PCDHGA3: variants seen among roughly 807,000 people sequenced by gnomAD.
PCDHGA3 encodes protocadherin gamma subfamily A, 3.
Under a neutral mutation model 58.5 loss-of-function variants are expected in PCDHGA3, and 40 were observed. The observed-to-expected ratio is 0.68, with a 90% confidence interval of 0.53 to 0.89. The LOEUF is 0.89. Among genes scored for constraint, PCDHGA3 ranks in the 40% least tolerant of loss-of-function variants. The pLI, the probability that PCDHGA3 is intolerant of heterozygous loss-of-function variation, is 0.00. For synonymous variants in PCDHGA3, 530 were observed against 525.7 expected, an observed-to-expected ratio of 1.01 and a Z score of -0.11; for missense variants, 1,223 against 1,195.9, an observed-to-expected ratio of 1.02 and a Z score of -0.33.
chr5:141,348,971 G>T (rs935801393), intron 1 of PCDHGA3, among the ~76,000 whole-genome samples: 2 of 152,136 alleles, frequency 1.3e-5, no homozygotes, highest in Admixed American at 6.5e-5. Flanking sequence ...CCAAAATTGG[G>T]TGTCTAAGAA....
intron 1 of PCDHGA3, chr5:141,375,120 A>G (rs2150053387): frequency 6.2e-7 from 1 of 1,613,952 alleles, no homozygotes; most frequent in South Asian, 1.1e-5. Flanking sequence ...AATGTACCAG[A>G]AGTGGTTGTT....
intron 1 of PCDHGA3, chr5:141,475,974 A>G: frequency 1.0e-6 from 1 of 975,714 alleles, no homozygotes; most frequent in Non-Finnish European, 1.5e-6. Flanking sequence ...GCAGAGACTG[A>G]ACAGCCGGCG....
intron 1 of PCDHGA3, chr5:141,364,242 G>C (rs192201180): frequency 2.1e-6 from 3 of 1,451,222 alleles, no homozygotes; most frequent in East Asian, 2.4e-5. Context: ...GCCCATTTTC[G>C]TCAGGGAATA....
chr5:141,372,042 G>T (rs373749332), intron 1 of PCDHGA3: 26 of 1,613,362 alleles, frequency 1.6e-5, no homozygotes, highest in African/African-American at 2.7e-5. Flanking sequence ...GAGCCTGCGC[G>T]TGTTGGTGGA....
At chr5:141,383,174 G>A in intron 1 of PCDHGA3, 6 of 1,614,084 alleles carry the variant, frequency 3.7e-6, no homozygotes, top group South Asian at 2.2e-5. Flanking sequence ...AGGATAGACC[G>A]GGAAGAGATC....
intron 1 of PCDHGA3, chr5:141,419,831 G>C: frequency 1.9e-6 from 3 of 1,614,048 alleles, no homozygotes; most frequent in Non-Finnish European, 2.5e-6. Context: ...TTCAGCCACT[G>C]CCACGCTGCA....
Position 141,476,370 on chromosome 5 carries a change from A to G in PCDHGA3, c.2425-18437A>G, listed in dbSNP as rs747703594. 13 of 1,613,882 alleles carry G rather than the reference A, an allele frequency of 8.1e-6. No individual in the cohort carries two copies. In the East Asian group the frequency reaches 2.7e-4, roughly 33 times the overall value. On this transcript the variant is annotated intron_variant, in intron 1 of 3. Transcript: ENST00000253812. This position sits in a 1 kb window ranked among gnomAD's most constrained non-coding sequence, Gnocchi z 7.6. ...TTTGAGGTGAACCGGGAGACCGGAG[A>G]GATGTTTGTGAACGACCGTCTGGAT...
intron 1 of PCDHGA3, among the ~76,000 whole-genome samples, chr5:141,348,329 G>A (rs753111578): frequency 4.6e-5 from 7 of 152,112 alleles, no homozygotes; most frequent in Non-Finnish European, 8.8e-5. Flanking sequence ...AATTTAAAAG[G>A]CCCATAGCCA....
Position 141,408,306 on chromosome 5 carries a change from A to C in PCDHGA3, c.2424+61849A>C, listed in dbSNP as rs866086431. On this transcript the variant is annotated intron_variant, in intron 1 of 3. Transcript: ENST00000253812. Reference sequence around the variant, plus strand: ...CCCACCCTGAGTGAGCCGATCCGCTACTCGATTCCGGAGGAGCTGGCCAAG... The same window carrying C: ...CCCACCCTGAGTGAGCCGATCCGCTCCTCGATTCCGGAGGAGCTGGCCAAG... The C allele has an allele frequency of 1.2e-6, 2 of 1,613,586 alleles. No homozygotes were observed. Among genetic ancestry groups the C allele is most frequent in the South Asian group, 1.1e-5 (1 of 91,062 alleles).
At chr5:141,479,685 G>A (rs749895405) in intron 1 of PCDHGA3, 3 of 152,248 alleles carry the variant, frequency 2.0e-5, no homozygotes, top group Non-Finnish European at 4.4e-5. Flanking sequence ...AGTCTTTTTG[G>A]TGCCTCCAGT....
chr5:141,472,183 A>G (rs2099273731), intron 1 of PCDHGA3, among the ~76,000 whole-genome samples: 1 of 152,190 alleles, frequency 6.6e-6, no homozygotes, highest in South Asian at 2.1e-4. Flanking sequence ...CCAGTATTGG[A>G]ATTTGAATCT....
rs755978864 is a variant in PCDHGA3 at position 141,352,146 on chromosome 5, G to A, written c.2424+5689G>A. 1.7e-5 allele frequency: 27 copies of A among 1,612,154 alleles called. No homozygotes were observed. The highest frequency in any genetic ancestry group is 1.0e-4 in the Admixed American group (6 of 59,926). ...GAGGTGCGCACAGCGCGTGCCTTGG[G>A]CGACAGGGACGCGGCCCGCCAGCGC... On this transcript the variant is annotated intron_variant, in intron 1 of 3. Transcript: ENST00000253812.
chr5:141,464,921 G>C (rs1562002597), intron 1 of PCDHGA3, among the ~76,000 whole-genome samples: 6 of 151,106 alleles, frequency 4.0e-5, no homozygotes, highest in Admixed American at 3.3e-4. Flanking sequence ...TTATTTTTTT[G>C]TAGAGATGTG....
rs759346998 is a variant in PCDHGA3, at chr5:141,410,849, CTTTTTTTTTT to C, written c.2424+64405_2424+64414del. Reference sequence around the variant, plus strand: ...CAGACTGAAGATATTTTGTCTTTGTCTTTTTTTTTTTTTTTTTTTTTTGAGATGGAGTCTC... The same window carrying C: ...CAGACTGAAGATATTTTGTCTTTGTCTTTTTTTTTTTTGAGATGGAGTCTC... On this transcript the variant is annotated intron_variant, in intron 1 of 3. Coordinates refer to ENST00000253812, the MANE Select transcript of PCDHGA3 (RefSeq NM_018916.4). 8 of 138,182 alleles carry C rather than the reference CTTTTTTTTTT, an allele frequency of 5.8e-5. 2 individuals are homozygous for C. The highest frequency in any genetic ancestry group is 7.3e-5 in the Non-Finnish European group (6 of 82,424). 8.6% of individuals were successfully genotyped at this position (138,182 alleles called of 1,614,324 possible). A position where few individuals can be genotyped will look rare whatever the true frequency, so the allele number is the denominator to read the frequency against.
At chr5:141,355,580 A>T (rs1204408500) in intron 1 of PCDHGA3, 1 of 1,614,038 alleles carries the variant, frequency 6.2e-7, no homozygotes, top group Admixed American at 1.7e-5. Context: ...ATCGATGTTA[A>T]TGATAACCCA....
At chr5:141,352,498 T>C in intron 1 of PCDHGA3, 1 of 1,614,030 alleles carries the variant, frequency 6.2e-7, no homozygotes. Flanking sequence ...CTTTGCCCTA[T>C]TCCTACAATC....
chr5:141,366,936 C>A, intron 1 of PCDHGA3: 1 of 864,802 alleles, frequency 1.2e-6, no homozygotes, highest in African/African-American at 1.7e-5. Context: ...TTTGGGAAGT[C>A]TAGCTGATAT....
rs762443906 is a variant in PCDHGA3, at chr5:141,374,173, G to C, written c.2424+27716G>C. The C allele has an allele frequency of 3.1e-6, 5 of 1,613,352 alleles. No homozygotes were observed. The South Asian group carries it at 4.4e-5, about 14-fold the overall frequency. ...CGCTGTGGGGGGCCGCGGCAGCGCA[G>C]ATCCGCTACTCTATTCCCGAGGAGC... On this transcript the variant is annotated intron_variant, in intron 1 of 3. Coordinates refer to ENST00000253812, the MANE Select transcript of PCDHGA3 (RefSeq NM_018916.4).
intron 1 of PCDHGA3, chr5:141,398,973 C>T: frequency 6.2e-7 from 1 of 1,613,952 alleles, no homozygotes; most frequent in Non-Finnish European, 8.5e-7. Context: ...ATTCCTTCTA[C>T]AGAACCGGGC....
Sources: gnomAD v4.1 joint callset for allele counts (sites outside exome capture counted in the v4.1 genomes callset) on GRCh38, gnomAD v4.1.1 for gene constraint, Gnocchi (gnomAD v3.1) non-coding constraint, MANE v1.5 for transcripts, NCBI Gene and HGNC (gene_info 2026-07-23, HGNC 2026-07-21) for gene names.